Variants in PRKAG1 observed in about 807,000 individuals in gnomAD.
The protein encoded by PRKAG1 is protein kinase AMP-activated non-catalytic subunit gamma 1.
In PRKAG1, 27 loss-of-function variants were observed where a neutral mutation model predicts 48.2. That is an observed-to-expected ratio of 0.56 (90% CI 0.41 to 0.77). PRKAG1 has a LOEUF of 0.77. Ranked by LOEUF, PRKAG1 falls within the 30% of genes least tolerant of loss-of-function variation. The pLI, the probability that PRKAG1 is intolerant of heterozygous loss-of-function variation, is 0.00. For synonymous variants in PRKAG1, 130 were observed against 147.7 expected, an observed-to-expected ratio of 0.88 and a Z score of 0.87; for missense variants, 287 against 398.3, an observed-to-expected ratio of 0.72 and a Z score of 2.38.
rs1300039120 is a variant in PRKAG1, at chr12:49,004,973, GGA to G, written c.399_400del (p.Pro134Ter). The G allele has an allele frequency of 6.2e-7, 1 of 1,613,924 alleles. No individual in the cohort carries two copies. The highest frequency in any genetic ancestry group is 2.2e-5 in the East Asian group (1 of 44,880). Reference sequence around the variant, plus strand: ...GGTAACTGGAACTCACCTGGCATTAGGAGAAATGCAGACAAGCGGTTTAAAGG... The same window carrying G: ...GGTAACTGGAACTCACCTGGCATTAGGAAATGCAGACAAGCGGTTTAAAGG... On this transcript the variant is annotated frameshift_variant, in exon 7 of 12. Transcript: ENST00000548065. LOFTEE classifies it high-confidence loss of function.
chr12:49,009,063 CTAGACTGATCCTT>C (rs1433972899), intron 2 of PRKAG1, among the ~76,000 whole-genome samples: 1 of 151,272 alleles, frequency 6.6e-6, no homozygotes, highest in East Asian at 1.9e-4. Context: ...ACTGGACCTC[CTAGACTGATCCTT>C]TAAATGTTTG....
intron 1 of PRKAG1, chr12:49,017,457 T>C: frequency 3.2e-6 from 1 of 310,526 alleles, no homozygotes; most frequent in South Asian, 2.5e-5. Flanking sequence ...AGCAATCCAC[T>C]TGCCTTGGCC....
At chr12:49,018,324 C>T in intron 1 of PRKAG1, 1 of 447,002 alleles carries the variant, frequency 2.2e-6, no homozygotes, top group Non-Finnish European at 3.2e-6. Context: ...CATCGAGGTC[C>T]AGGAGCTACC....
chr12:49,007,106 G>A (rs952651024), intron 2 of PRKAG1, among the ~76,000 whole-genome samples: 1 of 151,864 alleles, frequency 6.6e-6, no homozygotes, highest in Admixed American at 6.6e-5. Flanking sequence ...CCAACATGGC[G>A]AAACCCCGTC....
rs764625061 is a variant in PRKAG1, at chr12:49,005,091, T to A, written c.355+29A>T. ...TTCCCAGAAACCCGCCATCCCTTTA[T>A]CCTTTTATAACCCCAATTCTCTACA... is the stretch of plus-strand genomic sequence containing the variant. On this transcript the variant is annotated intron_variant, in intron 6 of 11. Coordinates refer to ENST00000548065, the MANE Select transcript of PRKAG1 (RefSeq NM_002733.5). This position sits in a 1 kb window ranked among gnomAD's most constrained non-coding sequence, Gnocchi z 4.1. 3 of 1,613,552 alleles carry A rather than the reference T, an allele frequency of 1.9e-6. No homozygotes were observed. The highest frequency in any genetic ancestry group is 2.5e-6 in the Non-Finnish European group (3 of 1,179,564).
At chr12:49,015,288 T>C (rs1941920558) in intron 1 of PRKAG1, among the ~76,000 whole-genome samples, 1 of 152,264 alleles carries the variant, frequency 6.6e-6, no homozygotes, top group South Asian at 2.1e-4. Flanking sequence ...ACCCATCATA[T>C]GATATATACT....
chr12:49,004,816 TG>T lies in PRKAG1; in HGVS notation c.410+147del, dbSNP rs1941460801. On this transcript the variant is annotated intron_variant, in intron 7 of 11. Coordinates refer to ENST00000548065, the MANE Select transcript of PRKAG1 (RefSeq NM_002733.5). ...GAGAATGAGAGAGAGAGAGAGACTG[TG>T]TGTGTGTGTGTGTGTGTGTGTGTGT... 20 of 217,076 alleles carry T rather than the reference TG, an allele frequency of 9.2e-5. No homozygotes were observed. In the African/African-American group the frequency reaches 1.6e-3, roughly 17 times the overall value. 13.4% of individuals were successfully genotyped at this position (217,076 alleles called of 1,614,324 possible). A position where few individuals can be genotyped will look rare whatever the true frequency, so the allele number is the denominator to read the frequency against.
In PRKAG1 at chr12:49,005,099, T is replaced by C; in HGVS notation, c.355+21A>G. ...AACCCGCCATCCCTTTATCCTTTTA[T>C]AACCCCAATTCTCTACATACCTCTC... On this transcript the variant is annotated intron_variant, in intron 6 of 11. Coordinates refer to ENST00000548065, the MANE Select transcript of PRKAG1 (RefSeq NM_002733.5). This position sits in a 1 kb window ranked among gnomAD's most constrained non-coding sequence, Gnocchi z 4.1. 1.2e-6 allele frequency: 2 copies of C among 1,613,792 alleles called. No individual in the cohort carries two copies. Among genetic ancestry groups the C allele is most frequent in the Non-Finnish European group, 1.7e-6 (2 of 1,179,760 alleles).
At chr12:49,003,947 C>A (rs1405904418) in intron 8 of PRKAG1, 25 bp from the exon 9 acceptor site, 3 of 1,565,942 alleles carry the variant, frequency 1.9e-6, no homozygotes, top group Non-Finnish European at 2.6e-6. Flanking sequence ...ATCAGCTTAA[C>A]TTTCAAGGCA....
Position 49,013,417 on chromosome 12 carries a change from G to A in PRKAG1, c.10-307C>T, listed in dbSNP as rs553230934. 5.3e-5 allele frequency among the ~76,000 whole-genome samples: 8 copies of A among 152,088 alleles called. No individual in the cohort carries two copies. The South Asian group carries it at 1.5e-3, about 28-fold the overall frequency. On this transcript the variant is annotated intron_variant, in intron 1 of 11. Transcript: ENST00000548065. ...AAGCCACTATACCCAGCTAATTTTT[G>A]TATTTTTAGTAGAGATGGAGTTTTG...
chr12:49,003,263 TGTTGTAGG>T lies in PRKAG1; in HGVS notation c.761_768del (p.Thr254LysfsTer8). On this transcript the variant is annotated frameshift_variant, in exon 11 of 12. Coordinates refer to ENST00000548065, the MANE Select transcript of PRKAG1 (RefSeq NM_002733.5). LOFTEE classifies it high-confidence loss of function. ...GCTTTAGTCACAGATACATCTAGGT[TGTTGTAGG>T]TCTTTTCTGCTGCCAGATTCTGGGG... The T allele has an allele frequency of 1.2e-6, 2 of 1,614,136 alleles. No individual in the cohort carries two copies. The highest frequency in any genetic ancestry group is 1.7e-6 in the Non-Finnish European group (2 of 1,180,034).
chr12:49,005,301 C>T lies in PRKAG1; in HGVS notation c.309+5G>A, dbSNP rs747713107. 47 of 1,613,920 alleles carry T rather than the reference C, an allele frequency of 2.9e-5. No homozygotes were observed. Among genetic ancestry groups the T allele is most frequent in the Non-Finnish European group, 3.9e-5 (46 of 1,180,014 alleles). On this transcript the variant is annotated splice_donor_5th_base_variant and intron_variant, in intron 5 of 11. Transcript: ENST00000548065. This position sits in a 1 kb window ranked among gnomAD's most constrained non-coding sequence, Gnocchi z 4.1. ...GATTTTGGTCATTGGGTTAAGGTTC[C>T]TTACCAAGGCTGATTTATAGTAGCG...
intron 1 of PRKAG1, among the ~76,000 whole-genome samples, chr12:49,016,147 C>T (rs1327544292): frequency 2.6e-5 from 4 of 152,068 alleles, no homozygotes; most frequent in Non-Finnish European, 5.9e-5. Flanking sequence ...CTATGTTGAC[C>T]AGGCTAGTCT....
Position 49,003,143 on chromosome 12 carries a change from C to A in PRKAG1, c.888+1G>T. 6.2e-7 allele frequency: 1 copy of A among 1,614,212 alleles called. No individual in the cohort carries two copies. Among genetic ancestry groups the A allele is most frequent in the Non-Finnish European group, 8.5e-7 (1 of 1,180,036 alleles). On this transcript the variant is annotated splice_donor_variant, in intron 11 of 11. Coordinates refer to ENST00000548065, the MANE Select transcript of PRKAG1 (RefSeq NM_002733.5). LOFTEE classifies it high-confidence loss of function. ...TCCTTTAGGGTTGCTGGCCTCCCTA[C>A]CTCTGCTTCCACTAGCCTGTTGATG...
intron 1 of PRKAG1, among the ~76,000 whole-genome samples, chr12:49,013,945 C>T (rs1009459509): frequency 3.3e-5 from 5 of 152,034 alleles, no homozygotes; most frequent in East Asian, 1.9e-4. Flanking sequence ...AGTGCAGTGG[C>T]GTGATCTTGG....
chr12:49,008,084 C>A (rs1941616312), intron 2 of PRKAG1, among the ~76,000 whole-genome samples: 1 of 152,132 alleles, frequency 6.6e-6, no homozygotes, highest in South Asian at 2.1e-4. Context: ...ATCTCGAACT[C>A]CTGACCTCAT....
Position 49,005,270 on chromosome 12 carries a change from G to A in PRKAG1, c.309+36C>T. On this transcript the variant is annotated intron_variant, in intron 5 of 11. Coordinates refer to ENST00000548065, the MANE Select transcript of PRKAG1 (RefSeq NM_002733.5). This position sits in a 1 kb window ranked among gnomAD's most constrained non-coding sequence, Gnocchi z 4.1. Reference sequence around the variant, plus strand: ...ATGAGAATGAGGGATTTAGGGCAGGGAAAGTGATTTTGGTCATTGGGTTAA... The same window carrying A: ...ATGAGAATGAGGGATTTAGGGCAGGAAAAGTGATTTTGGTCATTGGGTTAA... The A allele has an allele frequency of 6.2e-7, 1 of 1,613,386 alleles. No individual in the cohort carries two copies. The highest frequency in any genetic ancestry group is 8.5e-7 in the Non-Finnish European group (1 of 1,179,386).
intron 1 of PRKAG1, chr12:49,017,674 C>T (rs1942049120): frequency 6.5e-6 from 1 of 153,922 alleles, no homozygotes; most frequent in South Asian, 1.9e-4. Context: ...TGGAATTAGA[C>T]TCCTTATTTT....
At chr12:49,011,800 G>A (rs2137673937) in intron 2 of PRKAG1, among the ~76,000 whole-genome samples, 2 of 152,208 alleles carry the variant, frequency 1.3e-5, no homozygotes, top group South Asian at 4.1e-4. Flanking sequence ...GACCTCAGGT[G>A]ATCCACCTGC....
Sources: gnomAD v4.1 joint callset for allele counts (sites outside exome capture counted in the v4.1 genomes callset) on GRCh38, gnomAD v4.1.1 for gene constraint, Gnocchi (gnomAD v3.1) non-coding constraint, MANE v1.5 for transcripts, NCBI Gene and HGNC (gene_info 2026-07-23, HGNC 2026-07-21) for gene names.